CCNYL1: variants seen among roughly 807,000 people sequenced by gnomAD.
CCNYL1 encodes cyclin-Y-like protein 1.
CCNYL1 carries 16 observed loss-of-function variants against 44.2 expected under a neutral mutation model. That is an observed-to-expected ratio of 0.36 (90% CI 0.25 to 0.55). CCNYL1 has a LOEUF of 0.55. CCNYL1 is among the 20% of genes least tolerant of loss of function. CCNYL1 has a pLI of 0.85. For synonymous variants in CCNYL1, 159 were observed against 163.2 expected, an observed-to-expected ratio of 0.97 and a Z score of 0.20; for missense variants, 348 against 451.8, an observed-to-expected ratio of 0.77 and a Z score of 2.08.
At chr2:207,714,840 A>G (rs930323617) in intron 1 of CCNYL1, 5 of 153,886 alleles carry the variant, frequency 3.2e-5, no homozygotes, top group South Asian at 2.0e-4. Context: ...GCATTTGCCT[A>G]TTATTCATAA....
chr2:207,737,562 G>A (rs2091775130), intron 5 of CCNYL1, 116 bp downstream of exon 5: 1 of 736,682 alleles, frequency 1.4e-6, no homozygotes, highest in East Asian at 3.0e-5. Context: ...TTACAGTATT[G>A]AACTGAATCA....
At position 207,754,632 on chromosome 2, in the gene CCNYL1, T is replaced by C. The variant is rs1215665264; in HGVS notation, c.*934T>C. 6.6e-6 allele frequency: 1 copy of C among 152,510 alleles called. No homozygotes were observed. The highest frequency in any genetic ancestry group is 1.9e-4 in the East Asian group (1 of 5,134). 9.4% of individuals were successfully genotyped at this position (152,510 alleles called of 1,614,324 possible). On this transcript the variant is annotated 3_prime_UTR_variant, in exon 10 of 10. Transcript: ENST00000295414. ...AAGTTTTTTGTTTTGTTTTGTTTGT[T>C]TTTAAAGAGATGGGGGTCTTACTGC...
At chr2:207,715,039 G>C (rs1464928105) in intron 1 of CCNYL1, among the ~76,000 whole-genome samples, 1 of 152,204 alleles carries the variant, frequency 6.6e-6, no homozygotes, top group East Asian at 1.9e-4. Context: ...GGAGGCTGAG[G>C]TGGGCGGATC....
At position 207,753,563 on chromosome 2, in the gene CCNYL1, T is replaced by A. The variant is rs772042514; in HGVS notation, c.970-25T>A. The A allele has an allele frequency of 2.7e-6, 4 of 1,504,118 alleles. No individual in the cohort carries two copies. The Middle Eastern group carries it at 6.8e-4, about 257-fold the overall frequency. 93.2% of individuals were successfully genotyped at this position (1,504,118 alleles called of 1,614,324 possible). A position where few individuals can be genotyped will look rare whatever the true frequency, so the allele number is the denominator to read the frequency against. On this transcript the variant is annotated intron_variant, in intron 9 of 9. Transcript: ENST00000295414. ...GGAACCCTTTTTAAAATTGTACCTG[T>A]TTTCTATTTGATTGACTTTCCTAGG...
intron 1 of CCNYL1, chr2:207,714,228 G>C (rs768540153): frequency 1.3e-5 from 5 of 378,522 alleles, no homozygotes; most frequent in Non-Finnish European, 2.5e-5. Context: ...CCATAAAATA[G>C]TCCTGTTTTT....
At chr2:207,743,082 G>A (rs1354230767) in intron 7 of CCNYL1, among the ~76,000 whole-genome samples, 3 of 152,220 alleles carry the variant, frequency 2.0e-5, no homozygotes, top group African/African-American at 4.8e-5. Flanking sequence ...ACTTAGGTCA[G>A]TACCTACTCC....
intron 2 of CCNYL1, among the ~76,000 whole-genome samples, chr2:207,725,094 CAATT>C (rs945181941): frequency 2.7e-5 from 4 of 149,124 alleles, no homozygotes; most frequent in Non-Finnish European, 3.0e-5. Flanking sequence ...TTTTATAACA[CAATT>C]AATTGGCCAC....
At chr2:207,736,279 T>C (rs905686651) in intron 4 of CCNYL1, among the ~76,000 whole-genome samples, 4 of 152,240 alleles carry the variant, frequency 2.6e-5, no homozygotes, top group African/African-American at 9.6e-5. Context: ...GTGCTAACAT[T>C]GTATGGACTT....
At chr2:207,746,366 C>G (rs1282621427) in intron 7 of CCNYL1, among the ~76,000 whole-genome samples, 1 of 152,178 alleles carries the variant, frequency 6.6e-6, no homozygotes, top group Non-Finnish European at 1.5e-5. Flanking sequence ...ATATAGCTAC[C>G]TGTAAAATTA....
At chr2:207,746,128 C>T (rs563858143) in intron 7 of CCNYL1, among the ~76,000 whole-genome samples, 5 of 152,134 alleles carry the variant, frequency 3.3e-5, no homozygotes, top group African/African-American at 1.2e-4. Flanking sequence ...AGAGGAATAC[C>T]AGGGGTCCAG....
chr2:207,731,539 A>G (rs1410075134), intron 3 of CCNYL1, among the ~76,000 whole-genome samples: 1 of 152,000 alleles, frequency 6.6e-6, no homozygotes, highest in Non-Finnish European at 1.5e-5. Flanking sequence ...TTTATATTTT[A>G]TATTATTATG....
At chr2:207,725,789 T>C (rs1041076233) in intron 2 of CCNYL1, among the ~76,000 whole-genome samples, 1 of 152,244 alleles carries the variant, frequency 6.6e-6, no homozygotes, top group Non-Finnish European at 1.5e-5. Context: ...GAATCAGAAC[T>C]GTTGTATTTT....
At position 207,751,005 on chromosome 2, in the gene CCNYL1, T is replaced by C. The variant is rs142454939; in HGVS notation, c.855T>C (p.Asn285=). ...TGGAGCTTCTTCAGTTTAATATTAA[T>C]GTTCCTGCCAGTGTTTATGCCAAAT... is the stretch of plus-strand genomic sequence containing the variant. ...HFLELLQFNI[N]VPASVYAKYY... is the part of the protein sequence containing the mutation. The change falls in exon 9 of 10, where the codon AAT becomes AAC. Residue 285 remains asparagine, a synonymous_variant. Coordinates refer to ENST00000295414, the MANE Select transcript of CCNYL1 (RefSeq NM_001330218.2). The C allele has an allele frequency of 3.7e-4, 593 of 1,613,972 alleles. 5 individuals carry two copies. The highest frequency in any genetic ancestry group is 7.6e-5 in the Non-Finnish European group (90 of 1,179,944).
At chr2:207,719,549 C>T (rs1197242601) in intron 1 of CCNYL1, among the ~76,000 whole-genome samples, 1 of 152,186 alleles carries the variant, frequency 6.6e-6, no homozygotes, top group Non-Finnish European at 1.5e-5. Flanking sequence ...GATCTGCCCA[C>T]CTCAGCCTCC....
intron 8 of CCNYL1, among the ~76,000 whole-genome samples, chr2:207,747,862 T>C (rs1325057589): frequency 6.6e-6 from 1 of 152,214 alleles, no homozygotes; most frequent in African/African-American, 2.4e-5. Context: ...CTGGCCTCTT[T>C]ATGGCTTTTA....
At chr2:207,726,258 T>C (rs1308891361) in intron 2 of CCNYL1, among the ~76,000 whole-genome samples, 1 of 152,244 alleles carries the variant, frequency 6.6e-6, no homozygotes, top group Admixed American at 6.5e-5. Flanking sequence ...ATGTGCTGAA[T>C]ATACCATGTT....
intron 1 of CCNYL1, among the ~76,000 whole-genome samples, chr2:207,717,276 G>T (rs1018294983): frequency 1.9e-4 from 29 of 152,072 alleles, no homozygotes; most frequent in African/African-American, 7.0e-4. Context: ...CACTTTAAAA[G>T]ATTTGATTAG....
intron 1 of CCNYL1, among the ~76,000 whole-genome samples, chr2:207,721,960 A>T (rs546380271): frequency 3.9e-5 from 6 of 152,242 alleles, no homozygotes; most frequent in African/African-American, 1.4e-4. Flanking sequence ...GGCCAGCTGT[A>T]AGTCACATGC....
At chr2:207,740,869 T>G (rs1459697183) in intron 6 of CCNYL1, among the ~76,000 whole-genome samples, 163 bp downstream of exon 6, 2 of 152,210 alleles carry the variant, frequency 1.3e-5, no homozygotes, top group African/African-American at 4.8e-5. Context: ...CATTTAAAAA[T>G]TCACTTCCTC....
Sources: gnomAD v4.1 joint callset for allele counts (sites outside exome capture counted in the v4.1 genomes callset) on GRCh38, gnomAD v4.1.1 for gene constraint, MANE v1.5 for transcripts, NCBI Gene and HGNC (gene_info 2026-07-23, HGNC 2026-07-21) for gene names.